The following PTPRD variants were observed in gnomAD, a reference collection of about 807,000 sequenced individuals.
PTPRD encodes protein tyrosine phosphatase receptor type D, also known as receptor-type tyrosine-protein phosphatase delta.
Under a neutral mutation model 214.5 loss-of-function variants are expected in PTPRD, and 34 were observed. That is an observed-to-expected ratio of 0.16 (90% CI 0.12 to 0.21). PTPRD has a LOEUF of 0.21. Ranked by LOEUF, PTPRD falls within the 10% of genes least tolerant of loss-of-function variation. PTPRD has a pLI of 1.00. For missense variants in PTPRD, 2,545 were observed against 2,398.7 expected (o/e 1.06, Z -1.27); for synonymous variants, 1,128 against 845.7 (o/e 1.33, Z -5.79).
chr9:8,384,945 G>A (rs918431561), intron 37 of PTPRD, among the ~76,000 whole-genome samples: 1 of 152,174 alleles, frequency 6.6e-6, no homozygotes, highest in Non-Finnish European at 1.5e-5. Flanking sequence ...TCTCAGTTAA[G>A]ATTGGAATTC....
intron 12 of PTPRD, among the ~76,000 whole-genome samples, chr9:8,722,429 T>C (rs981271608): frequency 2.6e-5 from 4 of 152,208 alleles, no homozygotes; most frequent in Admixed American, 6.5e-5. Flanking sequence ...AATCATTTTA[T>C]GTATTACCTT....
At chr9:9,206,944 T>C (rs892054435) in intron 9 of PTPRD, among the ~76,000 whole-genome samples, 32 of 152,214 alleles carry the variant, frequency 2.1e-4, no homozygotes, top group Non-Finnish European at 3.8e-4. Flanking sequence ...ATCCTATTAG[T>C]TCTGTCCCTC....
chr9:9,624,465 T>G (rs2095354457), intron 7 of PTPRD, among the ~76,000 whole-genome samples: 1 of 152,040 alleles, frequency 6.6e-6, no homozygotes, highest in Admixed American at 6.6e-5. Context: ...TTTTTGTATT[T>G]TTAGTAGAGA....
chr9:10,321,155 A>G (rs1376565763), intron 3 of PTPRD, among the ~76,000 whole-genome samples: 1 of 152,062 alleles, frequency 6.6e-6, no homozygotes, highest in African/African-American at 2.4e-5. Context: ...GATTTCAGCA[A>G]CACTAATAAT....
intron 2 of PTPRD, among the ~76,000 whole-genome samples, chr9:10,509,304 T>A (rs1167169508): frequency 6.6e-6 from 1 of 151,750 alleles, no homozygotes. Context: ...TTATTTGCCA[T>A]TTGTTTATTT....
At chr9:9,765,161 A>C (rs1320671437) in intron 6 of PTPRD, among the ~76,000 whole-genome samples, 2 of 152,154 alleles carry the variant, frequency 1.3e-5, no homozygotes, top group Non-Finnish European at 2.9e-5. Flanking sequence ...AATTATATGA[A>C]AAAGAGTGGC....
intron 30 of PTPRD, among the ~76,000 whole-genome samples, chr9:8,477,548 A>C (rs1179959813): frequency 2.0e-5 from 3 of 152,138 alleles, no homozygotes; most frequent in Non-Finnish European, 4.4e-5. Flanking sequence ...ATTCTCAAAC[A>C]TGTTATTTAA....
intron 2 of PTPRD, among the ~76,000 whole-genome samples, chr9:10,408,694 G>C (rs1273657094): frequency 6.6e-6 from 1 of 151,628 alleles, no homozygotes; most frequent in Non-Finnish European, 1.5e-5. Flanking sequence ...GCATGCTACT[G>C]GTACTGTATT....
intron 5 of PTPRD, among the ~76,000 whole-genome samples, chr9:9,815,108 A>C (rs906549308): frequency 6.6e-6 from 1 of 152,152 alleles, no homozygotes; most frequent in Non-Finnish European, 1.5e-5. Context: ...AATTCAAACT[A>C]TATTACAAAG....
At chr9:10,210,656 CATATGTTTATATATGT>C (rs1321734061) in intron 3 of PTPRD, among the ~76,000 whole-genome samples, 1 of 149,704 alleles carries the variant, frequency 6.7e-6, no homozygotes, top group African/African-American at 2.4e-5. Context: ...TATATACACA[CATATGTTTATATATGT>C]ATATGTTTAT....
At chr9:9,793,481 C>A (rs958477447) in intron 5 of PTPRD, among the ~76,000 whole-genome samples, 1 of 151,960 alleles carries the variant, frequency 6.6e-6, no homozygotes, top group Admixed American at 6.6e-5. Context: ...AGTAGATAGA[C>A]AAATGGATGG....
intron 11 of PTPRD, among the ~76,000 whole-genome samples, chr9:8,746,094 G>A (rs547078384): frequency 6.3e-4 from 94 of 149,236 alleles, no homozygotes; most frequent in Middle Eastern, 3.4e-3. Flanking sequence ...ATGCCCAATC[G>A]ATTTTTTTTT....
intron 5 of PTPRD, among the ~76,000 whole-genome samples, chr9:9,809,123 T>C (rs1023160717): frequency 2.6e-5 from 4 of 152,144 alleles, no homozygotes; most frequent in South Asian, 2.1e-4. Context: ...GTGGCCCTTC[T>C]TTTGGGTCTC....
rs550586499 is a variant in PTPRD, at chr9:10,601,634, G to T, written c.-600+10764C>A. Among the ~76,000 whole-genome samples the T allele has an allele frequency of 2.0e-5, 3 of 151,608 alleles. No homozygotes were observed. In the South Asian group the frequency reaches 6.2e-4, roughly 31 times the overall value. ...CCTGAATTTTATATCTTCTTTCTTT[G>T]TAAAAATAAAGGAAATAAAATTATA... On this transcript the variant is annotated intron_variant, in intron 2 of 45. Transcript: ENST00000381196.
chr9:10,554,374 A>G (rs1441100467), intron 2 of PTPRD, among the ~76,000 whole-genome samples: 2 of 152,166 alleles, frequency 1.3e-5, no homozygotes, highest in Non-Finnish European at 2.9e-5. Context: ...TTCCAGGTGC[A>G]ATCTTCTTAG....
At chr9:9,542,988 G>C (rs143330715) in intron 8 of PTPRD, among the ~76,000 whole-genome samples, 127 of 151,740 alleles carry the variant, frequency 8.4e-4, no homozygotes, top group African/African-American at 2.9e-3. Flanking sequence ...ATATTTACCT[G>C]AGATACATGA....
intron 14 of PTPRD, among the ~76,000 whole-genome samples, chr9:8,569,795 G>GA (rs35481636): frequency 0.37 from 56,715 of 151,698 alleles, 10,591 homozygotes; most frequent in South Asian, 0.43. Flanking sequence ...ATATAAATTG[G>GA]AAAAAACCAT....
chr9:8,967,755 G>A (rs1453946061), intron 11 of PTPRD, among the ~76,000 whole-genome samples: 1 of 152,052 alleles, frequency 6.6e-6, no homozygotes, highest in Admixed American at 6.6e-5. Flanking sequence ...GTATGTACAG[G>A]CAGGCACTTT....
intron 10 of PTPRD, among the ~76,000 whole-genome samples, chr9:9,172,243 A>C (rs2099921918): frequency 6.6e-6 from 1 of 152,142 alleles, no homozygotes; most frequent in Non-Finnish European, 1.5e-5. Context: ...AATATTTGTC[A>C]AAAAAGGGAA....
Sources: gnomAD v4.1 joint callset for allele counts (sites outside exome capture counted in the v4.1 genomes callset) on GRCh38, gnomAD v4.1.1 for gene constraint, MANE v1.5 for transcripts, NCBI Gene and HGNC (gene_info 2026-07-23, HGNC 2026-07-21) for gene names.